Variants in GLI2 observed in about 807,000 individuals in gnomAD.
The protein encoded by GLI2 is transcription activator GLI2.
In GLI2, 22 loss-of-function variants were observed where a neutral mutation model predicts 78.9. The ratio of observed to expected loss-of-function variants is 0.28; its 90% confidence interval spans 0.20 to 0.40. The LOEUF is 0.40. Ranked by LOEUF, GLI2 falls within the 10% of genes least tolerant of loss-of-function variation. The pLI is 1.00. For synonymous variants in GLI2, 974 were observed against 963.7 expected (o/e 1.01, Z -0.20); for missense variants, 2,097 against 2,213.2 (o/e 0.95, Z 1.05).
intron 2 of GLI2, among the ~76,000 whole-genome samples, chr2:120,918,643 G>A (rs1001861046): frequency 2.0e-5 from 3 of 152,126 alleles, no homozygotes; most frequent in Non-Finnish European, 4.4e-5. Flanking sequence ...GTTTCGCCAT[G>A]TTGGCCAGGA....
At chr2:120,809,185 T>C (rs1272667317) in intron 2 of GLI2, among the ~76,000 whole-genome samples, 3 of 152,180 alleles carry the variant, frequency 2.0e-5, no homozygotes, top group Non-Finnish European at 4.4e-5. Flanking sequence ...TACTGAGTCA[T>C]AAAAAGGAGT....
At chr2:120,751,348 C>T (rs1394585163) in intron 1 of GLI2, among the ~76,000 whole-genome samples, 1 of 152,040 alleles carries the variant, frequency 6.6e-6, no homozygotes, top group Non-Finnish European at 1.5e-5. Flanking sequence ...TCTCCCCTTC[C>T]CCCCAAACTT....
intron 2 of GLI2, among the ~76,000 whole-genome samples, chr2:120,859,012 C>T (rs763091848): frequency 5.7e-5 from 8 of 141,588 alleles, no homozygotes; most frequent in Admixed American, 1.5e-4. Context: ...TCCGGAGGCA[C>T]GGTAAAGCGG....
At chr2:120,909,172 TG>T (rs1367137144) in intron 2 of GLI2, among the ~76,000 whole-genome samples, 1 of 152,140 alleles carries the variant, frequency 6.6e-6, no homozygotes, top group African/African-American at 2.4e-5. Context: ...TTGGCTGACG[TG>T]GGGAGGGCTT....
At chr2:120,772,577 C>T (rs901355275) in intron 1 of GLI2, among the ~76,000 whole-genome samples, 19 of 152,360 alleles carry the variant, frequency 1.2e-4, no homozygotes, top group Admixed American at 9.8e-4. Context: ...CTGAGCCCTT[C>T]GGGCCTGGCC....
chr2:120,871,443 A>C (rs1573512623), intron 2 of GLI2, among the ~76,000 whole-genome samples: 1 of 152,200 alleles, frequency 6.6e-6, no homozygotes, highest in African/African-American at 2.4e-5. Context: ...CCCAGGCGTC[A>C]CCCATGCTCC....
At chr2:120,985,998 CA>C (rs1240612505) in intron 12 of GLI2, among the ~76,000 whole-genome samples, 7 of 152,270 alleles carry the variant, frequency 4.6e-5, no homozygotes, top group Admixed American at 1.3e-4. Context: ...GTGCCTTCTG[CA>C]CGCTGCGTGC....
At chr2:120,744,336 A>G (rs146540766) in intron 1 of GLI2, among the ~76,000 whole-genome samples, 1 of 150,052 alleles carries the variant, frequency 6.7e-6, no homozygotes, top group East Asian at 2.0e-4. Flanking sequence ...TGTGGAGATC[A>G]AGGTGAGGGG....
At chr2:120,897,842 AG>A (rs1213479797) in intron 2 of GLI2, among the ~76,000 whole-genome samples, 1 of 152,136 alleles carries the variant, frequency 6.6e-6, no homozygotes, top group Non-Finnish European at 1.5e-5. Context: ...TCACCTCTTT[AG>A]GGTGCTAACA....
intron 2 of GLI2, among the ~76,000 whole-genome samples, chr2:120,868,812 G>T (rs1487729191): frequency 6.6e-6 from 1 of 152,184 alleles, no homozygotes; most frequent in East Asian, 1.9e-4. Flanking sequence ...GCATTTTGTG[G>T]GGAGACTTTC....
intron 2 of GLI2, among the ~76,000 whole-genome samples, chr2:120,911,362 T>C (rs994018672): frequency 1.3e-5 from 2 of 152,148 alleles, no homozygotes; most frequent in African/African-American, 2.4e-5. Flanking sequence ...TGCAACATGC[T>C]CAGGAAGGCT....
At chr2:120,884,390 A>C (rs1677297194) in intron 2 of GLI2, among the ~76,000 whole-genome samples, 1 of 152,180 alleles carries the variant, frequency 6.6e-6, no homozygotes, top group South Asian at 2.1e-4. Flanking sequence ...CCCCTGGGTA[A>C]TAGGAGACAC....
chr2:120,860,598 G>A (rs1687858812), intron 2 of GLI2, among the ~76,000 whole-genome samples: 1 of 152,242 alleles, frequency 6.6e-6, no homozygotes, highest in Admixed American at 6.5e-5. Context: ...TGGCTGAGCT[G>A]CAGGGAGAGA....
chr2:120,978,676 C>T (rs1682577646), intron 10 of GLI2, 93 bp downstream of exon 10: 6 of 1,387,760 alleles, frequency 4.3e-6, no homozygotes, highest in Middle Eastern at 2.5e-4. Context: ...TGGCCACAGG[C>T]ACACCTGGGT....
At chr2:120,895,047 G>A (rs1461767119) in intron 2 of GLI2, among the ~76,000 whole-genome samples, 1 of 152,188 alleles carries the variant, frequency 6.6e-6, no homozygotes, top group Non-Finnish European at 1.5e-5. Flanking sequence ...TGAGGACCTG[G>A]CTGATGGGGA....
intron 1 of GLI2, among the ~76,000 whole-genome samples, chr2:120,762,687 C>T (rs1053324195): frequency 4.6e-5 from 7 of 152,086 alleles, no homozygotes; most frequent in Non-Finnish European, 1.0e-4. Flanking sequence ...AGTGTAGGCT[C>T]AGCACCAGCC....
In GLI2 at chr2:120,775,005, G is replaced by A. The variant is rs143243678; in HGVS notation, c.-30-22286G>A. On this transcript the variant is annotated intron_variant, in intron 1 of 13. Coordinates refer to ENST00000361492, the MANE Select transcript of GLI2 (RefSeq NM_001374353.1). ...CTTTTCCCAAGAGCTAGTCTGTGTG[G>A]GTGGTCCAGGAAGCATCCTCCATGT... Among the ~76,000 whole-genome samples, 1,162 of 152,304 alleles carry A rather than the reference G, an allele frequency of 7.6e-3. 10 individuals are homozygous for A. The highest frequency in any genetic ancestry group is 0.025 in the African/African-American group (1,051 of 41,580).
rs372832865 is a variant in GLI2, at chr2:120,972,191, G to A, written c.1182+128G>A. On this transcript the variant is annotated intron_variant, in intron 8 of 13. Coordinates refer to ENST00000361492, the MANE Select transcript of GLI2 (RefSeq NM_001374353.1). Reference sequence around the variant, plus strand: ...CTGCATGGATGAATGAGTGACCCAGGGAGGACTGGGTGGGAATGCTGAGCT... The same window carrying A: ...CTGCATGGATGAATGAGTGACCCAGAGAGGACTGGGTGGGAATGCTGAGCT... 37 of 1,018,150 alleles carry A rather than the reference G, an allele frequency of 3.6e-5. 1 individual carries two copies. Among genetic ancestry groups the A allele is most frequent in the South Asian group, 2.3e-4 (17 of 74,786 alleles). 63.1% of individuals were successfully genotyped at this position (1,018,150 alleles called of 1,614,324 possible).
At chr2:120,929,339 A>G (rs774285100) in intron 3 of GLI2, among the ~76,000 whole-genome samples, 21 of 152,160 alleles carry the variant, frequency 1.4e-4, no homozygotes, top group Non-Finnish European at 2.5e-4. Context: ...TTGTGGGGTA[A>G]TACTTAGAGG....
Sources: allele counts gnomAD v4.1 joint callset (sites outside exome capture counted in the v4.1 genomes callset), GRCh38; gene constraint gnomAD v4.1.1; transcripts MANE v1.5; gene names NCBI Gene and HGNC (gene_info 2026-07-23, HGNC 2026-07-21).